ME1: variants seen among roughly 807,000 people sequenced by gnomAD.
ME1 encodes NADP-dependent malic enzyme.
A neutral mutation model predicts 66.4 loss-of-function variants in ME1; 74 were observed. The ratio of observed to expected loss-of-function variants is 1.11; its 90% CI spans 0.92 to 1.35. The LOEUF (loss-of-function observed/expected upper bound fraction) is 1.35, where lower values mean the gene tolerates loss of function less well. Among genes scored for constraint, ME1 ranks in the 40% most tolerant of loss-of-function variants. The pLI is 0.00. For missense variants in ME1, 750 were observed against 694.1 expected (o/e 1.08, Z -0.90); for synonymous variants, 251 against 235.6 (o/e 1.07, Z -0.60).
At chr6:83,272,852 C>G (rs974634115) in intron 6 of ME1, among the ~76,000 whole-genome samples, 1 of 152,010 alleles carries the variant, frequency 6.6e-6, no homozygotes, top group Non-Finnish European at 1.5e-5. Flanking sequence ...TAAACTAATT[C>G]TCTAAAAGCA....
At chr6:83,345,937 T>C (rs1397959456) in intron 5 of ME1, among the ~76,000 whole-genome samples, 1 of 152,070 alleles carries the variant, frequency 6.6e-6, no homozygotes, top group Non-Finnish European at 1.5e-5. Context: ...TGTAAATACA[T>C]ATCAAAGCAA....
chr6:83,323,982 A>G (rs1231116966), intron 5 of ME1, among the ~76,000 whole-genome samples: 1 of 152,128 alleles, frequency 6.6e-6, no homozygotes, highest in Non-Finnish European at 1.5e-5. Context: ...ATCATAACAA[A>G]CACACTCTCA....
At chr6:83,330,394 A>G (rs1276900655) in intron 5 of ME1, among the ~76,000 whole-genome samples, 1 of 152,198 alleles carries the variant, frequency 6.6e-6, no homozygotes, top group Admixed American at 6.5e-5. Context: ...TAAAACCAGT[A>G]CCACTAAAAT....
intron 7 of ME1, among the ~76,000 whole-genome samples, chr6:83,246,484 A>G (rs1790625161): frequency 6.6e-6 from 1 of 152,108 alleles, no homozygotes; most frequent in Admixed American, 6.5e-5. Flanking sequence ...CTCATTCCAT[A>G]CCTACTATTT....
intron 12 of ME1, among the ~76,000 whole-genome samples, chr6:83,217,830 G>T (rs1306272090): frequency 1.3e-5 from 2 of 152,144 alleles, no homozygotes; most frequent in African/African-American, 4.8e-5. Flanking sequence ...TCTGGGTACA[G>T]AAATAAGGAC....
intron 5 of ME1, among the ~76,000 whole-genome samples, chr6:83,322,473 A>G (rs1452381280): frequency 2.6e-5 from 4 of 152,138 alleles, no homozygotes; most frequent in Non-Finnish European, 5.9e-5. Flanking sequence ...GACCTGATGG[A>G]CCTGAAAAAC....
At chr6:83,346,400 CTA>C in intron 4 of ME1, 66 bp from the exon 5 acceptor site, 1 of 1,166,034 alleles carries the variant, frequency 8.6e-7, no homozygotes, top group East Asian at 2.7e-5. Context: ...ATTTCTGACT[CTA>C]TTTCTGAAGT....
chr6:83,326,752 TG>T (rs1768299958), intron 5 of ME1, among the ~76,000 whole-genome samples: 1 of 152,172 alleles, frequency 6.6e-6, no homozygotes, highest in African/African-American at 2.4e-5. Flanking sequence ...GGAGAGGATA[TG>T]GAGAAATAGA....
At chr6:83,373,371 G>A (rs1769229361) in intron 3 of ME1, among the ~76,000 whole-genome samples, 1 of 152,054 alleles carries the variant, frequency 6.6e-6, no homozygotes, top group Non-Finnish European at 1.5e-5. Flanking sequence ...CAGTAGCTGG[G>A]ACTACAGGTA....
At chr6:83,226,813 A>G (rs1010526702) in intron 11 of ME1, among the ~76,000 whole-genome samples, 16 of 152,304 alleles carry the variant, frequency 1.1e-4, no homozygotes, top group African/African-American at 3.1e-4. Context: ...CCAAATACAT[A>G]TTAGTACAAA....
chr6:83,370,254 C>T (rs1423096291), intron 3 of ME1, among the ~76,000 whole-genome samples: 1 of 152,084 alleles, frequency 6.6e-6, no homozygotes, highest in African/African-American at 2.4e-5. Context: ...TTTCAAGATA[C>T]TATATGGTGA....
At chr6:83,363,978 T>A (rs993136252) in intron 3 of ME1, among the ~76,000 whole-genome samples, 4 of 152,194 alleles carry the variant, frequency 2.6e-5, no homozygotes. Context: ...GAGATGCATA[T>A]GGGTTCAAGT....
intron 9 of ME1, among the ~76,000 whole-genome samples, chr6:83,234,080 C>T (rs1790350257): frequency 6.6e-6 from 1 of 152,130 alleles, no homozygotes; most frequent in African/African-American, 2.4e-5. Context: ...CCAACTACTT[C>T]ACAGTTATTC....
Position 83,210,839 on chromosome 6 carries a change from T to A in ME1, c.*1085A>T, listed in dbSNP as rs1789858511. On this transcript the variant is annotated 3_prime_UTR_variant, in exon 14 of 14. Coordinates refer to ENST00000369705, the MANE Select transcript of ME1 (RefSeq NM_002395.6). ...TAATACAGTCTGGGCATATAACTACTCTTTCTCATAGAATGGTATTAGTCA... is the reference window on the plus strand; with the variant it reads ...TAATACAGTCTGGGCATATAACTACACTTTCTCATAGAATGGTATTAGTCA... 6.6e-6 allele frequency: 1 copy of A among 152,210 alleles called. No homozygotes were observed. Among genetic ancestry groups the A allele is most frequent in the African/African-American group, 2.4e-5 (1 of 41,458 alleles). 9.4% of individuals were successfully genotyped at this position (152,210 alleles called of 1,614,324 possible).
chr6:83,353,989 C>CT (rs1373617349), intron 3 of ME1, among the ~76,000 whole-genome samples: 1 of 152,146 alleles, frequency 6.6e-6, no homozygotes, highest in Non-Finnish European at 1.5e-5. Context: ...CCTACGTTTC[C>CT]TCCTAATCAC....
chr6:83,358,120 G>T (rs1431522391), intron 3 of ME1, among the ~76,000 whole-genome samples: 1 of 151,172 alleles, frequency 6.6e-6, no homozygotes, highest in African/African-American at 2.4e-5. Flanking sequence ...CATTGGTTTT[G>T]GGGTTTTGGG....
At chr6:83,421,830 C>T (rs1022327694) in intron 1 of ME1, among the ~76,000 whole-genome samples, 1 of 152,156 alleles carries the variant, frequency 6.6e-6, no homozygotes, top group African/African-American at 2.4e-5. Flanking sequence ...GCAATAACCA[C>T]GACAGATGCC....
At chr6:83,388,137 G>C (rs1583412437) in intron 3 of ME1, among the ~76,000 whole-genome samples, 1 of 134,912 alleles carries the variant, frequency 7.4e-6, no homozygotes, top group Admixed American at 9.3e-5. Context: ...AGGCTAGAAA[G>C]AGTGCAGTGG....
intron 1 of ME1, among the ~76,000 whole-genome samples, chr6:83,414,041 G>C (rs1770105480): frequency 6.8e-6 from 1 of 146,754 alleles, no homozygotes; most frequent in Non-Finnish European, 1.5e-5. Context: ...ATCCTGGGAG[G>C]TTAAGGTTGC....
Sources: gnomAD v4.1 joint callset for allele counts (sites outside exome capture counted in the v4.1 genomes callset) on GRCh38, gnomAD v4.1.1 for gene constraint, MANE v1.5 for transcripts, NCBI Gene and HGNC (gene_info 2026-07-23, HGNC 2026-07-21) for gene names.